Variants in HECW2 observed in about 807,000 individuals in gnomAD.
The protein encoded by HECW2 is E3 ubiquitin-protein ligase HECW2.
Under a neutral mutation model 175.2 loss-of-function variants are expected in HECW2, and 61 were observed. That is an observed-to-expected ratio of 0.35 (90% confidence interval 0.28 to 0.43). HECW2 has a LOEUF of 0.43. HECW2 is among the 20% of genes least tolerant of loss of function. The pLI, the probability that HECW2 is intolerant of heterozygous loss-of-function variation, is 1.00. For synonymous variants in HECW2, 671 were observed against 731.0 expected (o/e 0.92, Z 1.32); for missense variants, 1,524 against 2,000.5 (o/e 0.76, Z 4.54).
chr2:196,481,623 C>T (rs573262522), intron 1 of HECW2, among the ~76,000 whole-genome samples: 9 of 152,274 alleles, frequency 5.9e-5, no homozygotes, highest in African/African-American at 9.6e-5. Flanking sequence ...TCTTCAAAGA[C>T]GGACTTTCAT....
intron 7 of HECW2, 47 bp downstream of exon 7, chr2:196,322,431 T>C: frequency 1.3e-6 from 2 of 1,541,116 alleles, no homozygotes; most frequent in Non-Finnish European, 1.8e-6. Context: ...CATTTTTTCC[T>C]ATATGAACTA....
At position 196,273,586 on chromosome 2, in the gene HECW2, G is replaced by C. The variant is rs576096369; in HGVS notation, c.3238+435C>G. On this transcript the variant is annotated intron_variant, in intron 16 of 28. Transcript: ENST00000644978. The stretch of plus-strand genomic sequence containing the variant: ...TTGCTGCCTTCTATTTGTGACAAAA[G>C]CCCTTAAGAATGTGCTCTCTTTGAT... Among the ~76,000 whole-genome samples, 6 of 152,176 alleles carry C rather than the reference G, an allele frequency of 3.9e-5. No individual in the cohort carries two copies. In the East Asian group the frequency reaches 9.7e-4, roughly 24 times the overall value.
At chr2:196,495,736 G>C (rs1385568722) in intron 1 of HECW2, among the ~76,000 whole-genome samples, 1 of 152,150 alleles carries the variant, frequency 6.6e-6, no homozygotes, top group Non-Finnish European at 1.5e-5. Flanking sequence ...GAGAATAATT[G>C]CAACTACCTT....
chr2:196,495,636 G>A (rs1687363789), intron 1 of HECW2, among the ~76,000 whole-genome samples: 1 of 152,170 alleles, frequency 6.6e-6, no homozygotes, highest in Non-Finnish European at 1.5e-5. Flanking sequence ...GACAGCATGT[G>A]CAAAGGCTTC....
At chr2:196,375,217 T>C (rs1694019914) in intron 2 of HECW2, among the ~76,000 whole-genome samples, 1 of 151,850 alleles carries the variant, frequency 6.6e-6, no homozygotes, top group Admixed American at 6.6e-5. Context: ...TGTTGAGCTG[T>C]TGTATTCAAA....
chr2:196,228,518 TA>T (rs1384103564), intron 21 of HECW2, among the ~76,000 whole-genome samples: 1 of 152,228 alleles, frequency 6.6e-6, no homozygotes, highest in East Asian at 1.9e-4. Context: ...AACATTCTAA[TA>T]CATACAATAG....
chr2:196,300,263 T>C (rs1690995033), intron 13 of HECW2, among the ~76,000 whole-genome samples: 1 of 152,244 alleles, frequency 6.6e-6, no homozygotes. Context: ...TTTGCTTACA[T>C]GTTGTCTTTG....
intron 28 of HECW2, among the ~76,000 whole-genome samples, chr2:196,209,157 T>C (rs1687174457): frequency 6.6e-6 from 1 of 152,220 alleles, no homozygotes; most frequent in Admixed American, 6.5e-5. Flanking sequence ...ATCTGACTTG[T>C]GAAATAGCTC....
At chr2:196,527,443 T>C (rs760923347) in intron 1 of HECW2, among the ~76,000 whole-genome samples, 1 of 152,226 alleles carries the variant, frequency 6.6e-6, no homozygotes, top group Non-Finnish European at 1.5e-5. Flanking sequence ...TTCTTCTGCG[T>C]CGCTCACGCT....
rs540936018 is a variant in HECW2 at position 196,350,983 on chromosome 2, A to G, written c.293-7219T>C. ...CCTCATCCATTCCCTAGACATATGT[A>G]TTTCTTTACCTTCCACAGTTCACAT... is the stretch of plus-strand genomic sequence containing the variant. On this transcript the variant is annotated intron_variant, in intron 2 of 28. Coordinates refer to ENST00000644978, the MANE Select transcript of HECW2 (RefSeq NM_001348768.2). 2.0e-5 allele frequency among the ~76,000 whole-genome samples: 3 copies of G among 152,270 alleles called. No individual in the cohort carries two copies. The South Asian group carries it at 6.2e-4, about 32-fold the overall frequency.
At chr2:196,536,541 C>T (rs1386099245) in intron 1 of HECW2, among the ~76,000 whole-genome samples, 3 of 152,286 alleles carry the variant, frequency 2.0e-5, no homozygotes, top group Non-Finnish European at 2.9e-5. Flanking sequence ...ATTCCTCTAC[C>T]GACAAGCGAA....
chr2:196,420,748 T>G (rs371372080), intron 2 of HECW2, among the ~76,000 whole-genome samples: 5 of 152,282 alleles, frequency 3.3e-5, no homozygotes, highest in African/African-American at 1.2e-4. Context: ...GTCAGTTCTT[T>G]TTTTTTCATC....
intron 28 of HECW2, among the ~76,000 whole-genome samples, chr2:196,212,103 C>G (rs914106568): frequency 6.6e-6 from 1 of 152,174 alleles, no homozygotes; most frequent in Non-Finnish European, 1.5e-5. Context: ...TCCCAAAGTG[C>G]TGGGATTACA....
chr2:196,302,227 A>C (rs1691090461), intron 13 of HECW2, among the ~76,000 whole-genome samples: 1 of 152,060 alleles, frequency 6.6e-6, no homozygotes, highest in Admixed American at 6.5e-5. Flanking sequence ...TGAGTTTTCT[A>C]TTCTGTTCCA....
At chr2:196,415,611 T>TC (rs36056177) in intron 2 of HECW2, among the ~76,000 whole-genome samples, 144,229 of 152,244 alleles carry the variant, frequency 0.95, 68,429 homozygotes, top group East Asian at 1. Context: ...AGCTGAGCTT[T>TC]CGTGCATGAC....
At chr2:196,527,339 C>G (rs997881165) in intron 1 of HECW2, among the ~76,000 whole-genome samples, 1 of 152,248 alleles carries the variant, frequency 6.6e-6, no homozygotes, top group African/African-American at 2.4e-5. Context: ...CTTCGGCTCA[C>G]GCACGGTGCA....
Position 196,307,985 on chromosome 2 carries a change from C to T in HECW2, c.2535G>A (p.Gln845=). 6.2e-7 allele frequency: 1 copy of T among 1,604,710 alleles called. No homozygotes were observed. The highest frequency in any genetic ancestry group is 8.5e-7 in the Non-Finnish European group (1 of 1,173,042). ...GTATGGAGTTAGATCTCTGCAGCAC[C>T]TGCGGGGCTGGGGGAGCTGTCGGTC... ...WQRPTAPPAP[Q]VLQRSNSIQQ... is the part of the protein sequence containing the mutation. Residue 845 remains glutamine, a synonymous_variant, in exon 11 of 29, where the codon CAG becomes CAA. Coordinates refer to ENST00000644978, the MANE Select transcript of HECW2 (RefSeq NM_001348768.2).
At chr2:196,529,551 G>T (rs1418817759) in intron 1 of HECW2, among the ~76,000 whole-genome samples, 2 of 152,096 alleles carry the variant, frequency 1.3e-5, no homozygotes, top group African/African-American at 4.8e-5. Context: ...TAACAGAAAA[G>T]AATGCTACAC....
In HECW2 at chr2:196,334,506, A is replaced by G; in HGVS notation, c.413T>C (p.Ile138Thr). The G allele has an allele frequency of 1.2e-6, 2 of 1,601,734 alleles. No individual in the cohort carries two copies. Among genetic ancestry groups the G allele is most frequent in the South Asian group, 1.1e-5 (1 of 88,936 alleles). ...AATGCCGTGGTAATATTTAAAACAG[A>G]TTTTTATCTCCGCTGCAAAGCAATT... ...GPYFMEPEIK[I>T]CFKYYHGISG... The change falls in exon 4 of 29, where the codon ATC (isoleucine) becomes ACC (threonine). Residue 138 changes from isoleucine to threonine, a missense_variant. Ile to Thr is a moderately conservative substitution (Grantham distance 89). This residue lies in a region of HECW2 where 135 missense variants were observed against 214.6 expected (regional missense o/e 0.63). Coordinates refer to ENST00000644978, the MANE Select transcript of HECW2 (RefSeq NM_001348768.2).
Sources: allele counts gnomAD v4.1 joint callset (sites outside exome capture counted in the v4.1 genomes callset), GRCh38; gene constraint gnomAD v4.1.1; regional missense constraint gnomAD v4.1.1; transcripts MANE v1.5; gene names NCBI Gene and HGNC (gene_info 2026-07-23, HGNC 2026-07-21).